DGKD: variants seen among roughly 807,000 people sequenced by gnomAD.
DGKD encodes DAG kinase delta.
Under a neutral mutation model 154.4 loss-of-function variants are expected in DGKD, and 68 were observed. The ratio of observed to expected loss-of-function variants is 0.44; its 90% CI spans 0.36 to 0.54. The LOEUF is 0.54. Ranked by LOEUF, DGKD falls within the 20% of genes least tolerant of loss-of-function variation. The pLI, the probability that DGKD is intolerant of heterozygous loss-of-function variation, is 0.00. For synonymous variants in DGKD, 693 were observed against 638.0 expected (o/e 1.09, Z -1.30); for missense variants, 1,343 against 1,593.6 (o/e 0.84, Z 2.68).
Position 233,469,327 on chromosome 2 carries a change from T to A in DGKD, c.3556-44T>A, listed in dbSNP as rs533537348. On this transcript the variant is annotated intron_variant, in intron 29 of 29. Coordinates refer to ENST00000264057, the MANE Select transcript of DGKD (RefSeq NM_152879.3). ...GGCCTGCTGTGGAGCCCTCTGGCCC[T>A]GGCTGTCTTCTCGGCATCCATGGCG... 2.7e-5 allele frequency: 42 copies of A among 1,554,410 alleles called. No homozygotes were observed. The African/African-American group carries it at 5.7e-4, about 21-fold the overall frequency.
Position 233,452,467 on chromosome 2 carries a change from TC to T in DGKD, c.2264+410del, listed in dbSNP as rs949947334. 3.9e-5 allele frequency among the ~76,000 whole-genome samples: 6 copies of T among 152,168 alleles called. No homozygotes were observed. Among genetic ancestry groups the T allele is most frequent in the Middle Eastern group, 3.4e-3 (1 of 294 alleles). ...CTGCCATCTTCCTCTTGCCATCCCT[TC>T]CCTCTGCTTTCCTCTAACACCTGCT... is the stretch of plus-strand genomic sequence containing the variant. On this transcript the variant is annotated intron_variant, in intron 18 of 29. Transcript: ENST00000264057. This position sits in a 1 kb window ranked among gnomAD's most constrained non-coding sequence, Gnocchi z 4.0.
intron 3 of DGKD, among the ~76,000 whole-genome samples, chr2:233,419,863 T>C (rs1009631279): frequency 6.6e-6 from 1 of 152,026 alleles, no homozygotes; most frequent in East Asian, 1.9e-4. Flanking sequence ...GTGATGTTGG[T>C]TTGTGGTTTG....
At position 233,449,010 on chromosome 2, in the gene DGKD, C is replaced by T; in HGVS notation, c.1615-93C>T. ...TTAGGATTTTCCTTTTGATCGAGTT[C>T]TAGGAAGTCTGGGTGAAATGGCCTG... On this transcript the variant is annotated intron_variant, in intron 14 of 29. Transcript: ENST00000264057. The surrounding 1 kb of genome is among the most constrained non-coding windows in gnomAD (Gnocchi z 5.3). 6.9e-7 allele frequency: 1 copy of T among 1,450,416 alleles called. No homozygotes were observed. Among genetic ancestry groups the T allele is most frequent in the East Asian group, 2.3e-5 (1 of 43,450 alleles). 89.8% of individuals were successfully genotyped at this position (1,450,416 alleles called of 1,614,324 possible).
chr2:233,456,872 A>G, intron 19 of DGKD, 27 bp from the exon 20 acceptor site: 1 of 1,583,244 alleles, frequency 6.3e-7, no homozygotes, highest in East Asian at 2.2e-5. Context: ...GCCCAGACCT[A>G]TGGCAAGTCT....
In DGKD at chr2:233,465,877, C is replaced by T. The variant is rs190300208; in HGVS notation, c.3307-1209C>T. ...ATACTCCTAATAAAAATTTATGATA[C>T]AGAAAGATTAATAATAATTAAAACA... On this transcript the variant is annotated intron_variant, in intron 27 of 29. Coordinates refer to ENST00000264057, the MANE Select transcript of DGKD (RefSeq NM_152879.3). 4.5e-4 allele frequency among the ~76,000 whole-genome samples: 68 copies of T among 150,378 alleles called. 1 individual carries two copies. The highest frequency in any genetic ancestry group is 1.7e-3 in the African/African-American group (67 of 40,296).
chr2:233,401,331 A>G (rs373918884), intron 3 of DGKD, among the ~76,000 whole-genome samples: 12 of 152,242 alleles, frequency 7.9e-5, no homozygotes, highest in African/African-American at 2.4e-4. Flanking sequence ...ACTGAAAGCA[A>G]TAAACCAAAT....
rs991698321 is a variant in DGKD, at chr2:233,441,701, G to A, written c.1086-186G>A. Reference sequence around the variant, plus strand: ...TTGGCTGGACCCCAGTGCTGCTGTCGTCCCTTTGACAAAGTGGACCCTGAG... The same window carrying A: ...TTGGCTGGACCCCAGTGCTGCTGTCATCCCTTTGACAAAGTGGACCCTGAG... On this transcript the variant is annotated intron_variant, in intron 9 of 29. Coordinates refer to ENST00000264057, the MANE Select transcript of DGKD (RefSeq NM_152879.3). This position sits in a 1 kb window ranked among gnomAD's most constrained non-coding sequence, Gnocchi z 5.6. Among the ~76,000 whole-genome samples, 2 of 152,150 alleles carry A rather than the reference G, an allele frequency of 1.3e-5. No homozygotes were observed. Among genetic ancestry groups the A allele is most frequent in the Non-Finnish European group, 1.5e-5 (1 of 68,020 alleles).
intron 3 of DGKD, among the ~76,000 whole-genome samples, chr2:233,408,143 C>T (rs1033463502): frequency 1.3e-5 from 2 of 151,286 alleles, no homozygotes; most frequent in African/African-American, 2.4e-5. Context: ...CCCGGGTTCA[C>T]GCAGTTCTCC....
chr2:233,437,139 T>C (rs2062724871), intron 7 of DGKD, among the ~76,000 whole-genome samples: 2 of 152,206 alleles, frequency 1.3e-5, no homozygotes, highest in South Asian at 4.1e-4. Context: ...TCACACGGTG[T>C]GAAGCATGAC....
Position 233,457,640 on chromosome 2 carries a change from C to A in DGKD, c.2580+312C>A. ...GACCTGAAGGATGAGTTGGAGTTGG[C>A]TAAGTTAGGTGGGCAGAGGAGAGGG... On this transcript the variant is annotated intron_variant, in intron 21 of 29. Coordinates refer to ENST00000264057, the MANE Select transcript of DGKD (RefSeq NM_152879.3). The surrounding 1 kb of genome is among the most constrained non-coding windows in gnomAD (Gnocchi z 5.5). 1 of 508,716 alleles carries A rather than the reference C, an allele frequency of 2.0e-6. No individual in the cohort carries two copies. 31.5% of individuals were successfully genotyped at this position (508,716 alleles called of 1,614,324 possible). A position where few individuals can be genotyped will look rare whatever the true frequency, so the allele number is the denominator to read the frequency against.
intron 10 of DGKD, among the ~76,000 whole-genome samples, chr2:233,443,243 T>A (rs1241166103): frequency 1.3e-5 from 2 of 152,254 alleles, no homozygotes; most frequent in Non-Finnish European, 2.9e-5. Context: ...GACCTTTACT[T>A]CTTTAATTCC....
chr2:233,396,811 C>T (rs1056042953), intron 3 of DGKD, among the ~76,000 whole-genome samples: 2 of 152,134 alleles, frequency 1.3e-5, no homozygotes, highest in East Asian at 3.9e-4. Flanking sequence ...GGTGGAGGGA[C>T]CAGCAGTGCG....
intron 1 of DGKD, among the ~76,000 whole-genome samples, chr2:233,361,039 G>A (rs1276695227): frequency 1.4e-5 from 1 of 71,498 alleles, no homozygotes; most frequent in Admixed American, 1.7e-4. Context: ...AAGTTTTATG[G>A]CAGCCCTAGG....
intron 1 of DGKD, among the ~76,000 whole-genome samples, chr2:233,363,007 G>A (rs1175300148): frequency 2.6e-5 from 4 of 152,152 alleles, no homozygotes; most frequent in Non-Finnish European, 2.9e-5. Context: ...GTACATAATA[G>A]TTGATGATGA....
chr2:233,412,292 T>G (rs2061848923), intron 3 of DGKD, among the ~76,000 whole-genome samples: 1 of 152,246 alleles, frequency 6.6e-6, no homozygotes, highest in Admixed American at 6.5e-5. Context: ...GCTTTAAATT[T>G]ATCTCAGCAG....
chr2:233,445,771 G>A lies in DGKD; in HGVS notation c.1334+9G>A, dbSNP rs763640486. ...ACCAAGATGCTGGACAGGTGAGTGGGGATGTGCTCCGGTGCCGTATGAGGA... is the reference window on the plus strand; with the variant it reads ...ACCAAGATGCTGGACAGGTGAGTGGAGATGTGCTCCGGTGCCGTATGAGGA... On this transcript the variant is annotated intron_variant, in intron 11 of 29. Coordinates refer to ENST00000264057, the MANE Select transcript of DGKD (RefSeq NM_152879.3). This position sits in a 1 kb window ranked among gnomAD's most constrained non-coding sequence, Gnocchi z 5.5. The A allele has an allele frequency of 6.2e-7, 1 of 1,606,308 alleles. No homozygotes were observed.
At chr2:233,415,755 C>G (rs561857110) in intron 3 of DGKD, among the ~76,000 whole-genome samples, 3 of 152,156 alleles carry the variant, frequency 2.0e-5, no homozygotes, top group African/African-American at 7.2e-5. Flanking sequence ...TACTGAGTAG[C>G]TGGGACCACA....
At chr2:233,456,039 G>A (rs1325943089) in intron 19 of DGKD, among the ~76,000 whole-genome samples, 1 of 152,198 alleles carries the variant, frequency 6.6e-6, no homozygotes, top group East Asian at 1.9e-4. Context: ...AGGAACAGGG[G>A]CATGCATAAT....
intron 3 of DGKD, among the ~76,000 whole-genome samples, chr2:233,399,641 TG>T (rs2061509555): frequency 6.6e-6 from 1 of 152,138 alleles, no homozygotes; most frequent in Non-Finnish European, 1.5e-5. Context: ...CTTTCCAGGC[TG>T]GGGTGGGTTT....
Sources: gnomAD v4.1 joint callset for allele counts (sites outside exome capture counted in the v4.1 genomes callset) on GRCh38, gnomAD v4.1.1 for gene constraint, Gnocchi (gnomAD v3.1) non-coding constraint, MANE v1.5 for transcripts, NCBI Gene and HGNC (gene_info 2026-07-23, HGNC 2026-07-21) for gene names.